The following TXNDC11 variants were observed in gnomAD, a reference collection of about 807,000 sequenced individuals.
The protein encoded by TXNDC11 is thioredoxin domain-containing protein 11.
A neutral mutation model predicts 78.0 loss-of-function variants in TXNDC11; 68 were observed. The observed-to-expected ratio is 0.87, with a 90% CI of 0.72 to 1.07. The LOEUF is 1.07. Ranked by LOEUF, TXNDC11 falls within the 50% of genes least tolerant of loss-of-function variation. TXNDC11 has a pLI of 0.00. For missense variants in TXNDC11, 1,389 were observed against 1,221.8 expected, an observed-to-expected ratio of 1.14 and a Z score of -2.04; for synonymous variants, 571 against 495.2, an observed-to-expected ratio of 1.15 and a Z score of -2.03.
intron 1 of TXNDC11, among the ~76,000 whole-genome samples, chr16:11,739,364 TAAG>T (rs2052326291): frequency 6.6e-6 from 1 of 152,068 alleles, no homozygotes; most frequent in African/African-American, 2.4e-5. Flanking sequence ...TGGTTGCAAA[TAAG>T]AAGGCCTGTT....
At chr16:11,705,101 T>G (rs2051146745) in intron 5 of TXNDC11, among the ~76,000 whole-genome samples, 1 of 152,042 alleles carries the variant, frequency 6.6e-6, no homozygotes, top group Admixed American at 6.6e-5. Flanking sequence ...TTCACCATGT[T>G]GGCCAGGATG....
chr16:11,691,998 C>A lies in TXNDC11; in HGVS notation c.1192G>T (p.Ala398Ser), dbSNP rs374056196. 1 of 1,575,568 alleles carries A rather than the reference C, an allele frequency of 6.3e-7. No individual in the cohort carries two copies. The highest frequency in any genetic ancestry group is 1.8e-5 in the Admixed American group (1 of 56,832). ...RLLQHLRRVD[A>S]PVLESLALEV... ...AGGGCCAGGGACTCCAGCACTGGAG[C>A]ATCCACCCGCCGCAGGTGCTGAAGG... Residue 398 changes from alanine (A) to serine (S), a missense_variant, in exon 8 of 12, where the codon GCT becomes TCT. Transcript: ENST00000283033.
intron 4 of TXNDC11, among the ~76,000 whole-genome samples, chr16:11,725,567 T>C (rs541976464): frequency 6.6e-6 from 1 of 152,344 alleles, no homozygotes; most frequent in East Asian, 1.9e-4. Flanking sequence ...AAGGCTGGGC[T>C]GTCGTCCAGT....
chr16:11,697,798 A>C (rs1310317565), intron 7 of TXNDC11, among the ~76,000 whole-genome samples: 3 of 152,110 alleles, frequency 2.0e-5, no homozygotes, highest in Admixed American at 6.5e-5. Context: ...TCACCCCCTA[A>C]ACAGGAAGCT....
chr16:11,734,568 G>A (rs896551519), intron 2 of TXNDC11, among the ~76,000 whole-genome samples: 2 of 152,296 alleles, frequency 1.3e-5, no homozygotes, highest in South Asian at 2.1e-4. Flanking sequence ...TTGAGAATTG[G>A]CATGGGGCCT....
chr16:11,701,406 G>T (rs1009660051), intron 5 of TXNDC11, among the ~76,000 whole-genome samples: 1 of 152,000 alleles, frequency 6.6e-6, no homozygotes, highest in Non-Finnish European at 1.5e-5. Flanking sequence ...CAAAGTGCCA[G>T]AATTACAGGT....
intron 1 of TXNDC11, among the ~76,000 whole-genome samples, chr16:11,736,920 G>C (rs1458053487): frequency 6.6e-6 from 1 of 152,080 alleles, no homozygotes; most frequent in East Asian, 1.9e-4. Context: ...CAAACAAGTG[G>C]TCAGAAGTAA....
intron 1 of TXNDC11, among the ~76,000 whole-genome samples, chr16:11,739,430 C>T (rs1030868505): frequency 6.6e-5 from 10 of 152,100 alleles, no homozygotes; most frequent in African/African-American, 2.2e-4. Context: ...ACTCAGGAGG[C>T]TAAGGCAGGA....
intron 9 of TXNDC11, 144 bp downstream of exon 9, chr16:11,688,159 G>T: frequency 1.0e-6 from 1 of 991,286 alleles, no homozygotes; most frequent in Non-Finnish European, 1.5e-6. Flanking sequence ...AAAACCACAT[G>T]TAATTCATTC....
chr16:11,718,265 A>T (rs1053243049), intron 5 of TXNDC11, among the ~76,000 whole-genome samples: 3 of 150,502 alleles, frequency 2.0e-5, no homozygotes, highest in African/African-American at 7.3e-5. Flanking sequence ...TATTTCTAAG[A>T]CAATTTAAAA....
intron 5 of TXNDC11, among the ~76,000 whole-genome samples, chr16:11,706,259 A>T (rs1197753294): frequency 6.6e-6 from 1 of 152,252 alleles, no homozygotes; most frequent in Non-Finnish European, 1.5e-5. Context: ...ACCAGTTTCC[A>T]CAGCTGCTCA....
chr16:11,717,896 G>T (rs1438146119), intron 5 of TXNDC11, among the ~76,000 whole-genome samples: 4 of 151,864 alleles, frequency 2.6e-5, no homozygotes, highest in African/African-American at 9.7e-5. Flanking sequence ...CACCTTAACA[G>T]GTGGACCAAG....
At chr16:11,732,102 T>C (rs549521190) in intron 3 of TXNDC11, among the ~76,000 whole-genome samples, 1 of 152,272 alleles carries the variant, frequency 6.6e-6, no homozygotes, top group South Asian at 2.1e-4. Flanking sequence ...GAGGCGGGCA[T>C]TTCAAGGTGC....
intron 8 of TXNDC11, among the ~76,000 whole-genome samples, chr16:11,689,014 AAC>A (rs2050639456): frequency 6.6e-6 from 1 of 152,158 alleles, no homozygotes; most frequent in Non-Finnish European, 1.5e-5. Context: ...GATTTGAACC[AAC>A]AGTTTTACCA....
Position 11,691,361 on chromosome 16 carries a change from G to A in TXNDC11, c.1829C>T (p.Ala610Val). Residue 610 changes from alanine to valine, a missense_variant, in exon 8 of 12, where the codon GCA (alanine) becomes GTA (valine). By Grantham distance (64) the Ala-to-Val change is moderately conservative. Transcript: ENST00000283033. The stretch of plus-strand genomic sequence containing the variant: ...AGATTCTTCTTTCACGTCAACAATT[G>A]CCGCAAATTCTTTCACCTGAGTGGA... ...PSSTQVKEFA[A>V]IVDVKEESHY... The A allele has an allele frequency of 6.2e-7, 1 of 1,614,190 alleles. No individual in the cohort carries two copies. Among genetic ancestry groups the A allele is most frequent in the Admixed American group, 1.7e-5 (1 of 60,024 alleles).
intron 5 of TXNDC11, among the ~76,000 whole-genome samples, chr16:11,719,137 A>G (rs969777034): frequency 6.6e-6 from 1 of 152,244 alleles, no homozygotes; most frequent in South Asian, 2.1e-4. Context: ...AGCCAATCAA[A>G]TAACAAAACA....
intron 5 of TXNDC11, 133 bp downstream of exon 5, chr16:11,721,444 A>C (rs2051703801): frequency 1.9e-6 from 1 of 528,302 alleles, no homozygotes; most frequent in South Asian, 2.0e-5. Context: ...ATCTAAAAAA[A>C]AATAAAATAA....
At chr16:11,695,193 G>A (rs2050826959) in intron 7 of TXNDC11, among the ~76,000 whole-genome samples, 1 of 152,210 alleles carries the variant, frequency 6.6e-6, no homozygotes, top group African/African-American at 2.4e-5. Flanking sequence ...CCTCACGCCA[G>A]TGTCAGGATC....
At chr16:11,693,968 AATTATATT>A (rs2050787687) in intron 7 of TXNDC11, among the ~76,000 whole-genome samples, 1 of 152,152 alleles carries the variant, frequency 6.6e-6, no homozygotes, top group East Asian at 1.9e-4. Flanking sequence ...GGAGATCATT[AATTATATT>A]ATAGAGAAGA....
Sources: allele counts gnomAD v4.1 joint callset (sites outside exome capture counted in the v4.1 genomes callset), GRCh38; gene constraint gnomAD v4.1.1; transcripts MANE v1.5; gene names NCBI Gene and HGNC (gene_info 2026-07-23, HGNC 2026-07-21).